The following RSPH4A variants were observed in gnomAD, a reference collection of about 807,000 sequenced individuals.
The protein encoded by RSPH4A is radial spoke head component 4A, also known as radial spoke head protein 4 homolog A.
A neutral mutation model predicts 71.0 loss-of-function variants in RSPH4A; 47 were observed. The ratio of observed to expected loss-of-function variants is 0.66; its 90% CI spans 0.52 to 0.84. The LOEUF (loss-of-function observed/expected upper bound fraction) is 0.84, where lower values mean the gene tolerates loss of function less well. RSPH4A is among the 40% of genes least tolerant of loss of function. The probability of loss-of-function intolerance (pLI) is 0.00; values close to 1 mark genes in which losing one functional copy is unlikely to be tolerated. For synonymous variants in RSPH4A, 282 were observed against 302.3 expected (o/e 0.93, Z 0.70); for missense variants, 793 against 855.2 (o/e 0.93, Z 0.91).
In RSPH4A at chr6:116,632,442, T is replaced by C; in HGVS notation, c.*1T>C. 6.2e-7 allele frequency: 1 copy of C among 1,609,804 alleles called. No homozygotes were observed. Among genetic ancestry groups the C allele is most frequent in the South Asian group, 1.1e-5 (1 of 90,078 alleles). On this transcript the variant is annotated 3_prime_UTR_variant, in exon 6 of 6. Transcript: ENST00000229554. ...AGATGAGGAAGATGATTATGACTAATAAACATAAAATTAGCCTGGTTTTAT... is the reference window on the plus strand; with the variant it reads ...AGATGAGGAAGATGATTATGACTAACAAACATAAAATTAGCCTGGTTTTAT...
In RSPH4A at chr6:116,627,692, T is replaced by A. The variant is rs137859428; in HGVS notation, c.985T>A (p.Leu329Met). The A allele has an allele frequency of 6.2e-7, 1 of 1,614,154 alleles. No individual in the cohort carries two copies. The highest frequency in any genetic ancestry group is 8.5e-7 in the Non-Finnish European group (1 of 1,180,032). Residue 329 changes from leucine (L) to methionine (M), a missense_variant, in exon 3 of 6, where the codon TTG (leucine) becomes ATG (methionine). Physicochemically the swap from Leu to Met is conservative, Grantham distance 15 (BLOSUM62 2). Coordinates refer to ENST00000229554, the MANE Select transcript of RSPH4A (RefSeq NM_001010892.3). ...AFYFEQAGVG[L>M]GTDETYRIFL... ...TTATTTTGAACAAGCTGGAGTTGGT[T>A]TGGGCACAGATGAGACATACCGCAT...
chr6:116,632,003 T>A (rs1371994527), intron 5 of RSPH4A, among the ~76,000 whole-genome samples: 2 of 152,076 alleles, frequency 1.3e-5, no homozygotes, highest in Non-Finnish European at 2.9e-5. Context: ...TTTTTTTTTT[T>A]AACCAGCTTA....
chr6:116,628,388 T>C lies in RSPH4A; in HGVS notation c.1662+19T>C. 1 of 1,576,016 alleles carries C rather than the reference T, an allele frequency of 6.3e-7. No homozygotes were observed. The highest frequency in any genetic ancestry group is 8.7e-7 in the Non-Finnish European group (1 of 1,146,248). ...CTCTCAGGTAGGAGCTTTGCACTTC[T>C]CAATCTATCAGGTAATTAGGCAAAT... On this transcript the variant is annotated intron_variant, in intron 3 of 5. Coordinates refer to ENST00000229554, the MANE Select transcript of RSPH4A (RefSeq NM_001010892.3).
chr6:116,631,800 C>T (rs1775809088), intron 5 of RSPH4A, among the ~76,000 whole-genome samples: 2 of 152,178 alleles, frequency 1.3e-5, no homozygotes, highest in Admixed American at 1.3e-4. Context: ...AAAAAAGTAA[C>T]ACATAGGTTT....
chr6:116,618,793 T>C (rs989014483), intron 1 of RSPH4A, among the ~76,000 whole-genome samples: 16 of 152,214 alleles, frequency 1.1e-4, no homozygotes, highest in African/African-American at 3.9e-4. Flanking sequence ...AATTCTGACA[T>C]ATCCACCTGG....
chr6:116,625,636 C>T (rs149196975), intron 2 of RSPH4A, among the ~76,000 whole-genome samples: 1 of 152,200 alleles, frequency 6.6e-6, no homozygotes, highest in African/African-American at 2.4e-5. Flanking sequence ...GTGACTAATA[C>T]AGTATAACTG....
chr6:116,626,211 A>G (rs1008283810), intron 2 of RSPH4A, among the ~76,000 whole-genome samples: 8 of 152,204 alleles, frequency 5.3e-5, no homozygotes, highest in Non-Finnish European at 1.2e-4. Context: ...TTTTGACACT[A>G]CAATTATAAG....
In RSPH4A at chr6:116,629,177, CATAA is replaced by C. The variant is rs140141118; in HGVS notation, c.1663-385_1663-382del. ...TGAGACATTATAAACCCTAAACCTCCATAAATAATCTTACCACATTTAAATGTTA... is the reference window on the plus strand; with the variant it reads ...TGAGACATTATAAACCCTAAACCTCCATAATCTTACCACATTTAAATGTTA... On this transcript the variant is annotated intron_variant, in intron 3 of 5. Coordinates refer to ENST00000229554, the MANE Select transcript of RSPH4A (RefSeq NM_001010892.3). Among the ~76,000 whole-genome samples the C allele has an allele frequency of 7.3e-3, 1,115 of 152,268 alleles. 18 individuals carry two copies. Among genetic ancestry groups the C allele is most frequent in the African/African-American group, 0.024 (988 of 41,556 alleles).
At position 116,628,010 on chromosome 6, in the gene RSPH4A, A is replaced by G; in HGVS notation, c.1303A>G (p.Asn435Asp). 1 of 1,614,220 alleles carries G rather than the reference A, an allele frequency of 6.2e-7. No individual in the cohort carries two copies. Among genetic ancestry groups the G allele is most frequent in the African/African-American group, 1.3e-5 (1 of 75,064 alleles). ...GANKYVYFVC[N>D]EPGRPWVKLP... ...CAACAAATATGTCTATTTTGTTTGC[A>G]ATGAACCAGGAAGACCATGGGTGAA... Residue 435 changes from asparagine (N) to aspartate (D), a missense_variant, in exon 3 of 6, where the codon AAT becomes GAT. Coordinates refer to ENST00000229554, the MANE Select transcript of RSPH4A (RefSeq NM_001010892.3).
At chr6:116,628,441 A>T in intron 3 of RSPH4A, 72 bp downstream of exon 3, 1 of 1,210,262 alleles carries the variant, frequency 8.3e-7, no homozygotes, top group South Asian at 1.3e-5. Flanking sequence ...TATAATGCAC[A>T]AAGACATACA....
chr6:116,622,618 T>C (rs1775627686), intron 1 of RSPH4A, 150 bp from the exon 2 acceptor site: 1 of 582,492 alleles, frequency 1.7e-6, no homozygotes, highest in African/African-American at 1.9e-5. Flanking sequence ...ATTGCCTACT[T>C]CCTATTAATT....
intron 4 of RSPH4A, 108 bp downstream of exon 4, chr6:116,629,810 G>T (rs1775763319): frequency 9.9e-7 from 1 of 1,011,232 alleles, no homozygotes; most frequent in Non-Finnish European, 1.5e-6. Context: ...CTGGACAGGA[G>T]CCAAGGTCTC....
intron 1 of RSPH4A, among the ~76,000 whole-genome samples, 177 bp downstream of exon 1, chr6:116,617,486 G>T (rs1775531250): frequency 6.6e-6 from 1 of 151,498 alleles, no homozygotes; most frequent in Admixed American, 6.6e-5. Flanking sequence ...CATTAATGGA[G>T]ATTCTTGTAC....
At chr6:116,625,814 A>G (rs181651072) in intron 2 of RSPH4A, among the ~76,000 whole-genome samples, 1 of 152,340 alleles carries the variant, frequency 6.6e-6, no homozygotes, top group Non-Finnish European at 1.5e-5. Flanking sequence ...CATAGAAAAA[A>G]GAGAAAACTT....
intron 2 of RSPH4A, among the ~76,000 whole-genome samples, chr6:116,626,382 C>G (rs1406299177): frequency 6.6e-6 from 1 of 152,032 alleles, no homozygotes; most frequent in East Asian, 1.9e-4. Flanking sequence ...GAGACCGTCA[C>G]CCAGGCTGTA....
chr6:116,621,365 GATAA>G (rs1775605066), intron 1 of RSPH4A, among the ~76,000 whole-genome samples: 2 of 152,158 alleles, frequency 1.3e-5, no homozygotes, highest in Non-Finnish European at 2.9e-5. Context: ...GAGGTCATTA[GATAA>G]ATAGAGACGT....
chr6:116,616,959 G>A lies in RSPH4A; in HGVS notation c.336G>A (p.Arg112=), dbSNP rs1775516364. ...QDLAAPPQSD[R]TTSVIPEAGT... is the part of the protein sequence containing the mutation. ...TCGCGGCACCACCTCAGTCGGACAGGACCACGAGTGTGATTCCTGAAGCTG... is the reference window on the plus strand; with the variant it reads ...TCGCGGCACCACCTCAGTCGGACAGAACCACGAGTGTGATTCCTGAAGCTG... The change falls in exon 1 of 6, where the codon AGG becomes AGA. Residue 112 remains arginine, a synonymous_variant. Transcript: ENST00000229554. 6.2e-7 allele frequency: 1 copy of A among 1,614,206 alleles called. No individual in the cohort carries two copies. The highest frequency in any genetic ancestry group is 8.5e-7 in the Non-Finnish European group (1 of 1,180,042).
intron 2 of RSPH4A, among the ~76,000 whole-genome samples, chr6:116,623,610 T>G (rs969017282): frequency 6.6e-6 from 1 of 152,186 alleles, no homozygotes. Context: ...TTCTCCAAGG[T>G]GCCTGGTACA....
rs143152091 is a variant in RSPH4A at position 116,629,898 on chromosome 6, T to C, written c.1798+196T>C. 2.9e-3 allele frequency among the ~76,000 whole-genome samples: 441 copies of C among 152,272 alleles called. 1 individual carries two copies. The highest frequency in any genetic ancestry group is 9.9e-3 in the African/African-American group (413 of 41,554). On this transcript the variant is annotated intron_variant, in intron 4 of 5. Coordinates refer to ENST00000229554, the MANE Select transcript of RSPH4A (RefSeq NM_001010892.3). ...CCACATCAATGTTCTCTGACAGAGG[T>C]TGAAGGAGTCATGCAGACAGGAAAC...
Sources: gnomAD v4.1 joint callset for allele counts (sites outside exome capture counted in the v4.1 genomes callset) on GRCh38, gnomAD v4.1.1 for gene constraint, MANE v1.5 for transcripts, NCBI Gene and HGNC (gene_info 2026-07-23, HGNC 2026-07-21) for gene names.